The following GFI1B variants were observed in gnomAD, a reference collection of about 807,000 sequenced individuals.
GFI1B encodes zinc finger protein Gfi-1b.
GFI1B carries 20 observed loss-of-function variants against 35.3 expected under a neutral mutation model. That is an observed-to-expected ratio of 0.57 (90% CI 0.40 to 0.82). The LOEUF (loss-of-function observed/expected upper bound fraction) is 0.82. Among genes scored for constraint, GFI1B ranks in the 40% least tolerant of loss-of-function variants. GFI1B has a pLI of 0.00. For synonymous variants in GFI1B, 178 were observed against 177.6 expected (o/e 1.00, Z -0.02); for missense variants, 430 against 446.3 (o/e 0.96, Z 0.33).
intron 1 of GFI1B, among the ~76,000 whole-genome samples, chr9:132,964,365 A>G (rs901458331): frequency 6.6e-6 from 1 of 152,254 alleles, no homozygotes; most frequent in East Asian, 1.9e-4. Context: ...ATCTATGCAT[A>G]TAACAAAACG....
upstream of GFI1B, among the ~76,000 whole-genome samples, chr9:132,974,093 A>G (rs1160850739): frequency 6.6e-6 from 1 of 152,210 alleles, no homozygotes; most frequent in Non-Finnish European, 1.5e-5. Context: ...GGATGAGGCC[A>G]ACACAGAGGG....
At chr9:132,950,718 C>CTA (rs1161202767) in intron 1 of GFI1B, among the ~76,000 whole-genome samples, 1 of 149,970 alleles carries the variant, frequency 6.7e-6, no homozygotes, top group Non-Finnish European at 1.5e-5. Flanking sequence ...CTACACTACA[C>CTA]TATACACTAT....
chr9:132,947,421 A>G (rs1438561219), intron 1 of GFI1B, among the ~76,000 whole-genome samples: 3 of 145,892 alleles, frequency 2.1e-5, no homozygotes, highest in African/African-American at 7.6e-5. Context: ...GCAAAAAAAA[A>G]AAAAAAAAAG....
In GFI1B at chr9:132,989,622, G is replaced by T. The variant is rs1849211921; in HGVS notation, c.649-120G>T. ...TTTCACCTCAGAGGCAGAGATGAGG[G>T]GTCCCCCGGTCCTGCTCCTCCAGGC... On this transcript the variant is annotated intron_variant, in intron 5 of 6. Coordinates refer to ENST00000372122, the MANE Select transcript of GFI1B (RefSeq NM_001377304.1). This position sits in a 1 kb window ranked among gnomAD's most constrained non-coding sequence, Gnocchi z 6.2. The T allele has an allele frequency of 1.4e-6, 1 of 714,948 alleles. No individual in the cohort carries two copies. Among genetic ancestry groups the T allele is most frequent in the Non-Finnish European group, 2.4e-6 (1 of 417,726 alleles). The allele number at this position is 714,948 out of a possible 1,614,324, so 44.3% of individuals were successfully genotyped here.
At chr9:132,952,288 T>C (rs567599815) in intron 1 of GFI1B, 19 of 152,276 alleles carry the variant, frequency 1.2e-4, no homozygotes, top group African/African-American at 4.6e-4. Flanking sequence ...TATCACATCA[T>C]CTGAAAATAA....
intron 1 of GFI1B, among the ~76,000 whole-genome samples, chr9:132,967,050 G>A (rs568483720): frequency 2.6e-5 from 4 of 152,278 alleles, no homozygotes; most frequent in East Asian, 3.9e-4. Flanking sequence ...CAGGTGATTC[G>A]GTCATGCCCT....
intron 1 of GFI1B, among the ~76,000 whole-genome samples, chr9:132,958,465 C>T (rs1269839744): frequency 6.6e-6 from 1 of 152,126 alleles, no homozygotes; most frequent in African/African-American, 2.4e-5. Context: ...ATAGAGAAAG[C>T]AAGAGCAAGA....
In GFI1B at chr9:132,989,441, G is replaced by A. The variant is rs750327542; in HGVS notation, c.648+243G>A. Among the ~76,000 whole-genome samples the A allele has an allele frequency of 1.7e-4, 26 of 152,194 alleles. No homozygotes were observed. Among genetic ancestry groups the A allele is most frequent in the Non-Finnish European group, 7.3e-5 (5 of 68,040 alleles). The stretch of plus-strand genomic sequence containing the variant: ...CCCTGCCTCAAGGAACTCACTCTAG[G>A]TTAATGGTCATGAAATGTGAACCCC... On this transcript the variant is annotated intron_variant, in intron 5 of 6. Coordinates refer to ENST00000372122, the MANE Select transcript of GFI1B (RefSeq NM_001377304.1). This position sits in a 1 kb window ranked among gnomAD's most constrained non-coding sequence, Gnocchi z 6.2.
chr9:132,967,608 A>G (rs1481888787), intron 1 of GFI1B, among the ~76,000 whole-genome samples: 1 of 152,236 alleles, frequency 6.6e-6, no homozygotes, highest in Admixed American at 6.5e-5. Flanking sequence ...ACATTTGGGA[A>G]CTATTGATAA....
At chr9:132,984,466 C>G (rs1848955258) in intron 1 of GFI1B, among the ~76,000 whole-genome samples, 1 of 152,186 alleles carries the variant, frequency 6.6e-6, no homozygotes, top group African/African-American at 2.4e-5. Context: ...CCTTCAAGGT[C>G]CTTTCTCCTA....
intron 1 of GFI1B, among the ~76,000 whole-genome samples, chr9:132,954,191 A>G (rs1300902966): frequency 2.0e-5 from 3 of 152,050 alleles, no homozygotes; most frequent in Non-Finnish European, 4.4e-5. Flanking sequence ...CCAGGGCTCA[A>G]GTGATCCTCC....
rs1185428600 is a variant in GFI1B at position 132,991,277 on chromosome 9, TCAG to T, written c.*231_*233del. 1 of 582,028 alleles carries T rather than the reference TCAG, an allele frequency of 1.7e-6. No homozygotes were observed. Among genetic ancestry groups the T allele is most frequent in the East Asian group, 2.9e-5 (1 of 34,564 alleles). The allele number at this position is 582,028 out of a possible 1,614,324, so 36.1% of individuals were successfully genotyped here. A position where few individuals can be genotyped will look rare whatever the true frequency, so the allele number is the denominator to read the frequency against. On this transcript the variant is annotated 3_prime_UTR_variant, in exon 7 of 7. Coordinates refer to ENST00000372122, the MANE Select transcript of GFI1B (RefSeq NM_001377304.1). ...GTGTGGGAGCCTGGCTGGGTCTTTC[TCAG>T]CAGAAGTTGTTTCCAGGTGTGCTCA...
chr9:132,976,102 C>T (rs138882580), upstream of GFI1B, among the ~76,000 whole-genome samples: 1,670 of 152,300 alleles, frequency 0.011, 10 homozygotes, highest in Non-Finnish European at 0.019. Context: ...AGTGGGATTA[C>T]AATCTTAGAA....
intron 1 of GFI1B, among the ~76,000 whole-genome samples, chr9:132,980,008 G>T (rs1456436823): frequency 6.6e-6 from 1 of 152,222 alleles, no homozygotes; most frequent in Non-Finnish European, 1.5e-5. Context: ...TCCAAGTCTA[G>T]CAAAGTGTCA....
At chr9:132,985,353 T>C (rs1451784533) in intron 1 of GFI1B, among the ~76,000 whole-genome samples, 1 of 152,164 alleles carries the variant, frequency 6.6e-6, no homozygotes, top group East Asian at 1.9e-4. Flanking sequence ...GATGTGGTCC[T>C]TGGTTTCTTC....
chr9:132,980,685 C>A (rs1319044878), intron 1 of GFI1B, among the ~76,000 whole-genome samples: 1 of 152,168 alleles, frequency 6.6e-6, no homozygotes, highest in African/African-American at 2.4e-5. Flanking sequence ...CCATTCCCTT[C>A]CCCTCACCTC....
chr9:132,981,856 G>A (rs1472598523), intron 1 of GFI1B, among the ~76,000 whole-genome samples: 1 of 152,068 alleles, frequency 6.6e-6, no homozygotes, highest in East Asian at 1.9e-4. Flanking sequence ...GGGTTCAAGT[G>A]ATTCTCCAGC....
rs533662277 is a variant in GFI1B, at chr9:132,988,316, C to T, written c.358C>T (p.Arg120Trp). 2.4e-5 allele frequency: 39 copies of T among 1,614,172 alleles called. No individual in the cohort carries two copies. The highest frequency in any genetic ancestry group is 3.3e-4 in the Middle Eastern group (2 of 6,060). ...GGCCACAACCTATGGCCACAGCTACCGGCAGGCCCCCTCCACCATGCAGTC... is the reference window on the plus strand; with the variant it reads ...GGCCACAACCTATGGCCACAGCTACTGGCAGGCCCCCTCCACCATGCAGTC... ...TLATTYGHSY[R>W]QAPSTMQSAF... Residue 120 changes from arginine (R) to tryptophan (W), a missense_variant, in exon 4 of 7, where the codon CGG (arginine) becomes TGG (tryptophan). Coordinates refer to ENST00000372122, the MANE Select transcript of GFI1B (RefSeq NM_001377304.1).
chr9:132,988,226 G>A lies in GFI1B; in HGVS notation c.268G>A (p.Asp90Asn). The part of the protein sequence containing the change: ...EGPIVLSRPQ[D>N]GDSPLSDSPP... ...CCCCATTGTGCTGTCCCGACCCCAGGATGGGGACTCTCCACTGTCCGACTC... is the reference window on the plus strand; with the variant it reads ...CCCCATTGTGCTGTCCCGACCCCAGAATGGGGACTCTCCACTGTCCGACTC... Residue 90 changes from aspartate (D) to asparagine (N), a missense_variant, in exon 4 of 7, where the codon GAT becomes AAT. By Grantham distance (23) the Asp-to-Asn change is conservative. Transcript: ENST00000372122. The A allele has an allele frequency of 6.2e-7, 1 of 1,614,036 alleles. No homozygotes were observed. Among genetic ancestry groups the A allele is most frequent in the Non-Finnish European group, 8.5e-7 (1 of 1,179,888 alleles).
Sources: allele counts gnomAD v4.1 joint callset (sites outside exome capture counted in the v4.1 genomes callset), GRCh38; gene constraint gnomAD v4.1.1; non-coding constraint Gnocchi (gnomAD v3.1); transcripts MANE v1.5; gene names NCBI Gene and HGNC (gene_info 2026-07-23, HGNC 2026-07-21).